Variants in SIPA1L1 observed in about 807,000 individuals in gnomAD.
SIPA1L1 encodes signal induced proliferation associated 1 like 1.
A neutral mutation model predicts 162.7 loss-of-function variants in SIPA1L1; 26 were observed. The observed-to-expected ratio is 0.16, with a 90% CI of 0.12 to 0.22. The LOEUF is 0.22. Among genes scored for constraint, SIPA1L1 ranks in the 10% least tolerant of loss-of-function variants. SIPA1L1 has a pLI of 1.00. For missense variants in SIPA1L1, 1,874 were observed against 2,241.0 expected (o/e 0.84, Z 3.31); for synonymous variants, 829 against 837.4 (o/e 0.99, Z 0.17).
intron 2 of SIPA1L1, among the ~76,000 whole-genome samples, chr14:71,403,691 C>T (rs186543561): frequency 4.6e-5 from 7 of 150,932 alleles, no homozygotes; most frequent in African/African-American, 1.5e-4. Flanking sequence ...ATTTATACTT[C>T]AGTGTTAGAT....
intron 2 of SIPA1L1, among the ~76,000 whole-genome samples, chr14:71,398,008 AATTTT>A (rs2041353469): frequency 2.3e-5 from 2 of 88,704 alleles, no homozygotes; most frequent in East Asian, 3.5e-4. Context: ...CAAAAAAAAA[AATTTT>A]TTTTTTTTTT....
intron 13 of SIPA1L1, among the ~76,000 whole-genome samples, chr14:71,693,236 G>A (rs989265906): frequency 7.2e-5 from 11 of 152,208 alleles, no homozygotes; most frequent in African/African-American, 2.4e-4. Flanking sequence ...GCCAACTGCT[G>A]TGGCTCACAC....
intron 10 of SIPA1L1, among the ~76,000 whole-genome samples, chr14:71,670,078 T>C (rs78608125): frequency 0.01 from 1,529 of 152,308 alleles, 26 homozygotes; most frequent in African/African-American, 0.035. Context: ...ATACTAAGTA[T>C]AATTGCATAA....
At chr14:71,453,606 A>G (rs2045971703) in intron 2 of SIPA1L1, among the ~76,000 whole-genome samples, 1 of 152,232 alleles carries the variant, frequency 6.6e-6, no homozygotes, top group African/African-American at 2.4e-5. Flanking sequence ...TATAAGAATC[A>G]TAATACTGGA....
intron 4 of SIPA1L1, among the ~76,000 whole-genome samples, chr14:71,575,687 G>A (rs566682240): frequency 7.4e-4 from 112 of 152,150 alleles, no homozygotes; most frequent in Non-Finnish European, 1.5e-3. Context: ...CGATTCTATT[G>A]TGGATTAGTT....
Position 71,699,134 on chromosome 14 carries a change from A to G in SIPA1L1, c.3521+7A>G. The G allele has an allele frequency of 6.2e-7, 1 of 1,613,972 alleles. No homozygotes were observed. ...AGAAGTCCATGCCCGAAGGGTAGTT[A>G]TGCGTTTGTCCCATTGTACATGGTC... On this transcript the variant is annotated splice_region_variant and intron_variant, in intron 14 of 23. Transcript: ENST00000381232.
intron 7 of SIPA1L1, among the ~76,000 whole-genome samples, chr14:71,647,686 A>G (rs903079286): frequency 6.6e-6 from 1 of 152,128 alleles, no homozygotes; most frequent in Non-Finnish European, 1.5e-5. Context: ...ATCTGGCTGT[A>G]TTAAGGACTT....
chr14:71,489,409 G>A (rs890669279), intron 2 of SIPA1L1, among the ~76,000 whole-genome samples: 5 of 152,206 alleles, frequency 3.3e-5, no homozygotes, highest in Non-Finnish European at 7.4e-5. Flanking sequence ...GAGATTATTC[G>A]TTATAGAATT....
intron 2 of SIPA1L1, among the ~76,000 whole-genome samples, chr14:71,468,489 C>T (rs946020655): frequency 1.3e-5 from 2 of 152,036 alleles, no homozygotes; most frequent in Admixed American, 1.3e-4. Context: ...GAGAGATTGG[C>T]AGGGGTGGGT....
chr14:71,598,128 C>G, intron 5 of SIPA1L1: 1 of 781,206 alleles, frequency 1.3e-6, no homozygotes, highest in Non-Finnish European at 1.6e-6. Context: ...CCTCTCTTTT[C>G]AGGAAATGAC....
At chr14:71,710,108 G>A (rs190962149) in intron 17 of SIPA1L1, among the ~76,000 whole-genome samples, 5 of 152,270 alleles carry the variant, frequency 3.3e-5, no homozygotes, top group South Asian at 2.1e-4. Context: ...CGTCCTTTAC[G>A]TGCCTCTCAA....
chr14:71,382,983 G>A (rs1383417941), intron 2 of SIPA1L1, among the ~76,000 whole-genome samples: 1 of 152,026 alleles, frequency 6.6e-6, no homozygotes, highest in Admixed American at 6.5e-5. Flanking sequence ...GGGAGTGAAG[G>A]CTTCATGTGG....
chr14:71,652,278 C>T (rs907247948), intron 8 of SIPA1L1, among the ~76,000 whole-genome samples: 4 of 152,148 alleles, frequency 2.6e-5, no homozygotes, highest in African/African-American at 9.7e-5. Context: ...CAACAGCCAG[C>T]CTCTGTACAC....
chr14:71,408,709 G>T (rs773450716), intron 2 of SIPA1L1, among the ~76,000 whole-genome samples: 1 of 152,158 alleles, frequency 6.6e-6, no homozygotes, highest in Non-Finnish European at 1.5e-5. Flanking sequence ...CTGGGAAATG[G>T]TTTAGAAGTA....
intron 2 of SIPA1L1, among the ~76,000 whole-genome samples, chr14:71,419,655 G>A (rs1488416541): frequency 6.7e-6 from 1 of 149,560 alleles, no homozygotes; most frequent in Non-Finnish European, 1.5e-5. Flanking sequence ...CCGCCACCAC[G>A]CCCGGCTAAT....
chr14:71,561,311 C>CTATA (rs1324358078), intron 4 of SIPA1L1, among the ~76,000 whole-genome samples: 2 of 152,076 alleles, frequency 1.3e-5, no homozygotes, highest in Non-Finnish European at 2.9e-5. Context: ...ATTAGCAATG[C>CTATA]TATAATTCCA....
chr14:71,637,283 A>G (rs2041256566), intron 7 of SIPA1L1, among the ~76,000 whole-genome samples: 2 of 152,124 alleles, frequency 1.3e-5, no homozygotes, highest in South Asian at 4.1e-4. Flanking sequence ...TCTGCAGTCA[A>G]CTGTGCTCTA....
intron 2 of SIPA1L1, chr14:71,330,505 C>T (rs564120867): frequency 1.1e-5 from 17 of 1,597,440 alleles, no homozygotes; most frequent in Middle Eastern, 3.8e-4. Context: ...AAGTCCTGCT[C>T]TATGTGCATC....
At chr14:71,669,144 G>A (rs2044288105) in intron 10 of SIPA1L1, among the ~76,000 whole-genome samples, 1 of 152,184 alleles carries the variant, frequency 6.6e-6, no homozygotes, top group South Asian at 2.1e-4. Flanking sequence ...ACTATGCGAA[G>A]CTGATTTCAG....
Sources: allele counts gnomAD v4.1 joint callset (sites outside exome capture counted in the v4.1 genomes callset), GRCh38; gene constraint gnomAD v4.1.1; transcripts MANE v1.5; gene names NCBI Gene and HGNC (gene_info 2026-07-23, HGNC 2026-07-21).